Variants in PDE1C observed in about 807,000 individuals in gnomAD.
PDE1C encodes the protein phosphodiesterase 1C, also known as dual specificity calcium/calmodulin-dependent 3',5'-cyclic nucleotide phosphodiesterase 1C.
A neutral mutation model predicts 93.1 loss-of-function variants in PDE1C; 62 were observed. The ratio of observed to expected loss-of-function variants is 0.67; its 90% confidence interval spans 0.54 to 0.82. PDE1C has a LOEUF of 0.82. Among genes scored for constraint, PDE1C ranks in the 40% least tolerant of loss-of-function variants. PDE1C has a pLI of 0.00. For missense variants in PDE1C, 742 were observed against 884.6 expected, an observed-to-expected ratio of 0.84 and a Z score of 2.04; for synonymous variants, 325 against 310.1, an observed-to-expected ratio of 1.05 and a Z score of -0.50.
At chr7:31,867,347 T>C (rs892730459) in intron 6 of PDE1C, among the ~76,000 whole-genome samples, 4 of 152,034 alleles carry the variant, frequency 2.6e-5, no homozygotes, top group African/African-American at 9.7e-5. Flanking sequence ...CCCTCCACAG[T>C]AGCAGGGCTG....
At chr7:31,651,670 T>C in the PDE1C span, among the ~76,000 whole-genome samples, 5 of 152,070 alleles carry the variant, frequency 3.3e-5, no homozygotes, top group Non-Finnish European at 7.4e-5. Context: ...GTTTTAAAAC[T>C]GAATAGTGGT....
chr7:31,910,069 G>C (rs768278324), intron 2 of PDE1C, among the ~76,000 whole-genome samples: 2 of 152,128 alleles, frequency 1.3e-5, no homozygotes, highest in African/African-American at 2.4e-5. Flanking sequence ...CACTATTCTA[G>C]GGTATGTTTA....
intron 1 of PDE1C, among the ~76,000 whole-genome samples, chr7:32,344,599 C>A (rs1236849615): frequency 2.0e-5 from 3 of 152,130 alleles, no homozygotes; most frequent in African/African-American, 7.2e-5. Flanking sequence ...ACTTTCCCAC[C>A]TCAGATAGCA....
chr7:31,712,392 T>A, the PDE1C span, among the ~76,000 whole-genome samples: 1,005 of 152,350 alleles, frequency 6.6e-3, 9 homozygotes, highest in African/African-American at 0.023. Context: ...CTTACTCTGA[T>A]AATAGACTAG....
chr7:32,259,706 G>GCTAA (rs1305915959), intron 1 of PDE1C, among the ~76,000 whole-genome samples: 3 of 152,162 alleles, frequency 2.0e-5, no homozygotes, highest in African/African-American at 7.2e-5. Flanking sequence ...AATTCCTTGA[G>GCTAA]CTAACGTCAT....
chr7:32,308,606 T>C (rs1813082188), intron 1 of PDE1C, among the ~76,000 whole-genome samples: 1 of 152,260 alleles, frequency 6.6e-6, no homozygotes, highest in Non-Finnish European at 1.5e-5. Flanking sequence ...ACTGCTGTTC[T>C]GCAGCCACCG....
At chr7:32,100,995 T>TTGA (rs150760807) in intron 3 of PDE1C, among the ~76,000 whole-genome samples, 20,464 of 152,170 alleles carry the variant, frequency 0.13, 1,648 homozygotes, top group Middle Eastern at 0.22. Context: ...TTGGTCACCT[T>TTGA]TGATGTCACT....
At chr7:31,647,087 C>A in the PDE1C span, among the ~76,000 whole-genome samples, 1 of 152,174 alleles carries the variant, frequency 6.6e-6, no homozygotes, top group Admixed American at 6.5e-5. Flanking sequence ...TGCACACAGG[C>A]GCATGTGCTG....
intron 14 of PDE1C, among the ~76,000 whole-genome samples, chr7:31,816,649 T>C (rs979035933): frequency 6.6e-6 from 1 of 152,128 alleles, no homozygotes; most frequent in African/African-American, 2.4e-5. Flanking sequence ...GCTTAAGACC[T>C]AGAGTTTAAA....
intron 2 of PDE1C, among the ~76,000 whole-genome samples, chr7:31,895,964 C>T (rs1799253560): frequency 7.0e-6 from 1 of 143,380 alleles, no homozygotes; most frequent in Non-Finnish European, 1.5e-5. Flanking sequence ...TTATTAGCAG[C>T]ATGAGAACAG....
Position 32,027,777 on chromosome 7 carries a change from T to C in PDE1C, c.128+23777A>G, listed in dbSNP as rs1260901457. Among the ~76,000 whole-genome samples the C allele has an allele frequency of 1.3e-5, 2 of 151,690 alleles. 1 individual carries two copies. Among genetic ancestry groups the C allele is most frequent in the Admixed American group, 1.3e-4 (2 of 15,220 alleles). ...ACTTTTAAAAAAATCTGCTGTCTAT[T>C]AGGCTAATCTAGTGATTGCCATTTT... is the stretch of plus-strand genomic sequence containing the variant. On this transcript the variant is annotated intron_variant, in intron 2 of 17. Coordinates refer to ENST00000396191, the MANE Select transcript of PDE1C (RefSeq NM_001191057.4).
chr7:31,927,111 T>C (rs534853367), intron 2 of PDE1C, among the ~76,000 whole-genome samples: 17 of 152,076 alleles, frequency 1.1e-4, no homozygotes, highest in Admixed American at 2.0e-4. Flanking sequence ...CCTGGGACGA[T>C]TGAGCTTGGT....
chr7:31,907,501 TA>T (rs1378872159), intron 2 of PDE1C, among the ~76,000 whole-genome samples: 1 of 152,204 alleles, frequency 6.6e-6, no homozygotes, highest in Non-Finnish European at 1.5e-5. Flanking sequence ...GATGGGAATG[TA>T]ATCACATGCC....
upstream of PDE1C, among the ~76,000 whole-genome samples, chr7:32,073,585 A>T (rs1796182764): frequency 6.6e-6 from 1 of 152,142 alleles, no homozygotes; most frequent in African/African-American, 2.4e-5. Context: ...CACTTTACAG[A>T]TGAGAAAACT....
the PDE1C span, among the ~76,000 whole-genome samples, chr7:31,680,573 G>A: frequency 2.6e-5 from 4 of 152,306 alleles, no homozygotes; most frequent in African/African-American, 9.6e-5. Context: ...GTTGTGATGA[G>A]CATTAGCCAG....
chr7:31,800,367 T>C (rs1785852306), intron 16 of PDE1C, among the ~76,000 whole-genome samples: 1 of 151,610 alleles, frequency 6.6e-6, no homozygotes, highest in Non-Finnish European at 1.5e-5. Flanking sequence ...TAGAAACTGA[T>C]AGTTTTACAT....
intron 2 of PDE1C, among the ~76,000 whole-genome samples, chr7:32,019,224 G>A (rs1260463649): frequency 6.7e-6 from 1 of 150,328 alleles, no homozygotes; most frequent in Non-Finnish European, 1.5e-5. Flanking sequence ...CGTGGTAAGA[G>A]AAACATCCTG....
chr7:31,850,601 A>G, intron 8 of PDE1C, 40 bp downstream of exon 8: 2 of 1,296,400 alleles, frequency 1.5e-6, no homozygotes, highest in South Asian at 2.4e-5. Context: ...TGTCTCTCTG[A>G]CCCCTCTTGC....
intron 1 of PDE1C, among the ~76,000 whole-genome samples, chr7:32,384,735 T>G (rs375923312): frequency 6.6e-6 from 1 of 152,180 alleles, no homozygotes; most frequent in Non-Finnish European, 1.5e-5. Flanking sequence ...AAAGAAGAGA[T>G]ATAATTAGAT....
Sources: gnomAD v4.1 joint callset for allele counts (sites outside exome capture counted in the v4.1 genomes callset) on GRCh38, gnomAD v4.1.1 for gene constraint, MANE v1.5 for transcripts, NCBI Gene and HGNC (gene_info 2026-07-23, HGNC 2026-07-21) for gene names.